The following SYTL3 variants were observed in gnomAD, a reference collection of about 807,000 sequenced individuals.
SYTL3 encodes synaptotagmin-like protein 3.
SYTL3 carries 88 observed loss-of-function variants against 82.1 expected under a neutral mutation model. The observed-to-expected ratio is 1.07, with a 90% CI of 0.90 to 1.28. The LOEUF is 1.28. Among genes scored for constraint, SYTL3 ranks in the 50% most tolerant of loss-of-function variants. The pLI is 0.00. For missense variants in SYTL3, 831 were observed against 757.6 expected (o/e 1.10, Z -1.14); for synonymous variants, 311 against 289.4 (o/e 1.07, Z -0.76).
chr6:158,671,040 G>C (rs1169976384), intron 5 of SYTL3, among the ~76,000 whole-genome samples: 1 of 152,002 alleles, frequency 6.6e-6, no homozygotes, highest in African/African-American at 2.4e-5. Context: ...TCCTGATCTA[G>C]TGTTCCGCCC....
chr6:158,716,942 CA>C (rs1156853022), intron 9 of SYTL3, among the ~76,000 whole-genome samples: 1 of 152,184 alleles, frequency 6.6e-6, no homozygotes, highest in East Asian at 1.9e-4. Context: ...ATGTTGATGA[CA>C]TTTTTTAATA....
At position 158,682,355 on chromosome 6, in the gene SYTL3, C is replaced by CTTTTTTTTTTT. The variant is rs61526522; in HGVS notation, c.330-558_330-548dup. On this transcript the variant is annotated intron_variant, in intron 5 of 17. Transcript: ENST00000611299. The stretch of plus-strand genomic sequence containing the variant: ...TATATGTTAATATGCTTAACATTCA[C>CTTTTTTTTTTT]TTTTTTTTTTTTTTTTTTTTTTGAG... Among the ~76,000 whole-genome samples, 5 of 106,834 alleles carry CTTTTTTTTTTT rather than the reference C, an allele frequency of 4.7e-5. 1 individual carries two copies. The highest frequency in any genetic ancestry group is 1.3e-4 in the African/African-American group (3 of 23,574). The allele number at this position is 106,834 out of a possible 152,430, so 70.1% of individuals were successfully genotyped here. A position where few individuals can be genotyped will look rare whatever the true frequency, so the allele number is the denominator to read the frequency against.
At chr6:158,726,287 C>T (rs968359377) in intron 11 of SYTL3, 1 of 430,812 alleles carries the variant, frequency 2.3e-6, no homozygotes. Context: ...TCATTGTTAT[C>T]CCCATGACAC....
intron 13 of SYTL3, among the ~76,000 whole-genome samples, chr6:158,756,320 T>C (rs1448540197): frequency 6.6e-6 from 1 of 152,250 alleles, no homozygotes; most frequent in East Asian, 1.9e-4. Flanking sequence ...GCACAGGCCC[T>C]GCATGCCTGA....
At chr6:158,670,693 G>C (rs1777267607) in intron 5 of SYTL3, among the ~76,000 whole-genome samples, 1 of 151,940 alleles carries the variant, frequency 6.6e-6, no homozygotes, top group African/African-American at 2.4e-5. Context: ...TGAGGTACAA[G>C]AATCGCTGGA....
intron 6 of SYTL3, among the ~76,000 whole-genome samples, chr6:158,702,361 T>G (rs2128443934): frequency 6.7e-6 from 1 of 148,854 alleles, no homozygotes; most frequent in East Asian, 2.0e-4. Context: ...TTTTTTTTTA[T>G]AGGACATAGT....
At chr6:158,650,321 C>T (rs1348082377) in intron 1 of SYTL3, among the ~76,000 whole-genome samples, 2 of 150,788 alleles carry the variant, frequency 1.3e-5, no homozygotes, top group African/African-American at 4.9e-5. Flanking sequence ...TAATTAAAAA[C>T]CAAAACAAAA....
intron 5 of SYTL3, among the ~76,000 whole-genome samples, chr6:158,673,078 G>C (rs752465744): frequency 1.2e-4 from 18 of 151,986 alleles, no homozygotes; most frequent in Non-Finnish European, 2.6e-4. Context: ...CTCCAAGTAC[G>C]CACCACCACA....
chr6:158,663,253 C>G lies in SYTL3; in HGVS notation c.-16C>G. 1.2e-6 allele frequency: 2 copies of G among 1,613,474 alleles called. No individual in the cohort carries two copies. Among genetic ancestry groups the G allele is most frequent in the Non-Finnish European group, 1.7e-6 (2 of 1,179,496 alleles). Reference sequence around the variant, plus strand: ...GTGAAGCTCTTCCAACCTGGGTCAACGAAAACGGAGAAGAAATGGCCCAAG... The same window carrying G: ...GTGAAGCTCTTCCAACCTGGGTCAAGGAAAACGGAGAAGAAATGGCCCAAG... On this transcript the variant is annotated 5_prime_UTR_variant, in exon 4 of 18. Transcript: ENST00000611299.
At chr6:158,747,946 C>T (rs1390067827) in intron 12 of SYTL3, among the ~76,000 whole-genome samples, 1 of 152,006 alleles carries the variant, frequency 6.6e-6, no homozygotes, top group Non-Finnish European at 1.5e-5. Flanking sequence ...TTTATTATGA[C>T]TTTTCTTGTA....
chr6:158,710,983 T>C (rs972380128), intron 8 of SYTL3, among the ~76,000 whole-genome samples: 1 of 152,068 alleles, frequency 6.6e-6, no homozygotes, highest in African/African-American at 2.4e-5. Flanking sequence ...GGGGTTTCAC[T>C]ATTGGCCAGG....
At chr6:158,751,336 G>T (rs907757474) in intron 12 of SYTL3, among the ~76,000 whole-genome samples, 8 of 152,140 alleles carry the variant, frequency 5.3e-5, no homozygotes, top group Non-Finnish European at 1.0e-4. Flanking sequence ...GTATGGAGGG[G>T]TCAGCCTAGA....
chr6:158,727,642 G>A (rs968062969), intron 11 of SYTL3, among the ~76,000 whole-genome samples: 3 of 150,836 alleles, frequency 2.0e-5, no homozygotes, highest in South Asian at 4.2e-4. Context: ...GAGGCCACCC[G>A]CCCACCTCCC....
At chr6:158,707,640 A>C (rs1583314425) in intron 7 of SYTL3, among the ~76,000 whole-genome samples, 1 of 152,322 alleles carries the variant, frequency 6.6e-6, no homozygotes, top group Admixed American at 6.5e-5. Context: ...CACCCTACCC[A>C]GCGCCTGGCG....
At chr6:158,761,221 T>A (rs543330178) in intron 15 of SYTL3, among the ~76,000 whole-genome samples, 94 of 152,024 alleles carry the variant, frequency 6.2e-4, no homozygotes, top group African/African-American at 2.2e-3. Flanking sequence ...TTTTACTCCT[T>A]CAATAACGTG....
At chr6:158,679,971 A>G (rs1258914545) in intron 5 of SYTL3, among the ~76,000 whole-genome samples, 2 of 152,172 alleles carry the variant, frequency 1.3e-5, no homozygotes, top group Non-Finnish European at 2.9e-5. Context: ...GCCCAGTGGT[A>G]ACGGGCTGGA....
chr6:158,649,142 G>A (rs1196276987), upstream of SYTL3, among the ~76,000 whole-genome samples: 3 of 152,236 alleles, frequency 2.0e-5, no homozygotes, highest in African/African-American at 7.2e-5. Flanking sequence ...AAATATTCAT[G>A]CTATAGTAGT....
At chr6:158,717,963 C>T (rs1395451447) in intron 9 of SYTL3, 124 bp from the exon 10 acceptor site, 27 of 847,634 alleles carry the variant, frequency 3.2e-5, no homozygotes, top group Non-Finnish European at 4.2e-5. Flanking sequence ...CTCCTCCGTG[C>T]ACTTTGCCCT....
At chr6:158,726,701 C>T in intron 11 of SYTL3, 4 of 276,298 alleles carry the variant, frequency 1.4e-5, no homozygotes, top group Non-Finnish European at 2.9e-5. Flanking sequence ...TCATTCAGCA[C>T]TGTTTTCCCC....
Sources: allele counts gnomAD v4.1 joint callset (sites outside exome capture counted in the v4.1 genomes callset), GRCh38; gene constraint gnomAD v4.1.1; transcripts MANE v1.5; gene names NCBI Gene and HGNC (gene_info 2026-07-23, HGNC 2026-07-21).